KIF24: variants seen among roughly 807,000 people sequenced by gnomAD.
KIF24 encodes kinesin-like protein KIF24.
A neutral mutation model predicts 118.9 loss-of-function variants in KIF24; 81 were observed. The ratio of observed to expected loss-of-function variants is 0.68; its 90% CI spans 0.57 to 0.82. The LOEUF (loss-of-function observed/expected upper bound fraction) is 0.82, where lower values mean the gene tolerates loss of function less well. Among genes scored for constraint, KIF24 ranks in the 40% least tolerant of loss-of-function variants. The pLI is 0.00. For synonymous variants in KIF24, 599 were observed against 610.0 expected (o/e 0.98, Z 0.27); for missense variants, 1,560 against 1,661.6 (o/e 0.94, Z 1.06).
Position 34,297,109 on chromosome 9 carries a change from A to G in KIF24, c.819T>C (p.Val273=). 6.5e-7 allele frequency: 1 copy of G among 1,546,972 alleles called. No homozygotes were observed. The highest frequency in any genetic ancestry group is 8.8e-7 in the Non-Finnish European group (1 of 1,134,740). The change falls in exon 4 of 13, where the codon GTT becomes GTC. Residue 273 remains valine (V), a synonymous_variant. Transcript: ENST00000402558. The part of the protein sequence containing the change: ...VDLTQYILQH[V]FYFDEVFGEA... ...CACCAAAGACTTCATCAAAATAAAA[A>G]ACATGCTGAAAAATAAATTTGATTT...
chr9:34,330,530 C>T (rs976039170), upstream of KIF24, among the ~76,000 whole-genome samples: 10 of 151,764 alleles, frequency 6.6e-5, no homozygotes, highest in African/African-American at 2.4e-4. Context: ...AGTCACTTAC[C>T]CAGACATCTC....
chr9:34,310,730 C>A lies in KIF24; in HGVS notation c.617G>T (p.Cys206Phe). The A allele has an allele frequency of 3.2e-6, 5 of 1,580,998 alleles. No individual in the cohort carries two copies. Among genetic ancestry groups the A allele is most frequent in the Non-Finnish European group, 4.3e-6 (5 of 1,165,740 alleles). Reference protein sequence around the residue: ...SGYNYGIPHSCIRQNTSEKQN... With the variant: ...SGYNYGIPHSFIRQNTSEKQN... ...GAAAGATAAAATTTATTACCTGATA[C>A]AAGAATGAGGGATTCCATAGTTATA... is the stretch of plus-strand genomic sequence containing the variant. Residue 206 changes from cysteine to phenylalanine, a missense_variant, in exon 2 of 13, where the codon TGT becomes TTT. Around this residue, in one of 3 missense-constraint regions of KIF24, gnomAD observed 964 missense variants for 988.0 expected, o/e 0.98. Coordinates refer to ENST00000402558, the MANE Select transcript of KIF24 (RefSeq NM_194313.4).
At chr9:34,333,182 A>G (rs998290588), upstream of KIF24, among the ~76,000 whole-genome samples, 2 of 152,192 alleles carry the variant, frequency 1.3e-5, no homozygotes, top group African/African-American at 4.8e-5. Context: ...GGGTGCTATT[A>G]GGAGCCTGAG....
chr9:34,289,834 A>G (rs950502634), intron 5 of KIF24, among the ~76,000 whole-genome samples: 1 of 152,204 alleles, frequency 6.6e-6, no homozygotes, highest in Admixed American at 6.5e-5. Context: ...TTTTTCCAGT[A>G]TAATAATAGG....
intron 6 of KIF24, among the ~76,000 whole-genome samples, chr9:34,273,074 C>A (rs1465066610): frequency 2.0e-5 from 3 of 151,818 alleles, no homozygotes; most frequent in African/African-American, 4.8e-5. Context: ...CAGAGCAAGA[C>A]CCTGTCTCAA....
intron 6 of KIF24, among the ~76,000 whole-genome samples, chr9:34,280,597 T>G (rs965298468): frequency 1.3e-5 from 2 of 152,122 alleles, no homozygotes; most frequent in African/African-American, 2.4e-5. Flanking sequence ...CTGGGGAGAA[T>G]GGTCACAGCC....
At chr9:34,309,211 T>C (rs903844277) in intron 2 of KIF24, among the ~76,000 whole-genome samples, 3 of 152,182 alleles carry the variant, frequency 2.0e-5, no homozygotes, top group African/African-American at 7.2e-5. Context: ...GTAATTCCAA[T>C]TTAGATTTTT....
intron 3 of KIF24, among the ~76,000 whole-genome samples, chr9:34,298,858 A>G (rs1206257656): frequency 6.6e-6 from 1 of 152,158 alleles, no homozygotes; most frequent in Non-Finnish European, 1.5e-5. Context: ...ATAACTGACT[A>G]GAGGTGGGGA....
At chr9:34,268,755 GCC>G (rs1262162842) in intron 8 of KIF24, among the ~76,000 whole-genome samples, 2 of 152,016 alleles carry the variant, frequency 1.3e-5, no homozygotes, top group Non-Finnish European at 2.9e-5. Context: ...TTATCCACCT[GCC>G]CTGGCCTCCC....
intron 7 of KIF24, among the ~76,000 whole-genome samples, chr9:34,269,662 G>A (rs912532764): frequency 4.0e-5 from 6 of 151,828 alleles, no homozygotes; most frequent in Non-Finnish European, 7.4e-5. Context: ...CTCGTGATCC[G>A]CCCGCCTTGG....
At chr9:34,327,180 A>G (rs1837696245) in intron 1 of KIF24, among the ~76,000 whole-genome samples, 1 of 152,152 alleles carries the variant, frequency 6.6e-6, no homozygotes, top group African/African-American at 2.4e-5. Context: ...AGGTTTAAGA[A>G]GTAGAACTCT....
intron 1 of KIF24, among the ~76,000 whole-genome samples, chr9:34,320,487 A>G (rs544733990): frequency 1.3e-5 from 2 of 151,514 alleles, no homozygotes; most frequent in African/African-American, 2.4e-5. Flanking sequence ...GCGAAACCCC[A>G]TCTCTACTAA....
intron 8 of KIF24, among the ~76,000 whole-genome samples, chr9:34,266,555 G>A (rs1044692956): frequency 1.3e-5 from 2 of 152,118 alleles, no homozygotes; most frequent in Admixed American, 1.3e-4. Flanking sequence ...GCAGGTGCCT[G>A]TAATCCCAGC....
intron 1 of KIF24, among the ~76,000 whole-genome samples, chr9:34,317,002 G>A (rs769470927): frequency 1.2e-4 from 19 of 152,024 alleles, no homozygotes; most frequent in Non-Finnish European, 2.1e-4. Flanking sequence ...ATCATCTGAG[G>A]TCAGGAGTTC....
intron 4 of KIF24, among the ~76,000 whole-genome samples, chr9:34,293,816 GA>G (rs1196350983): frequency 6.6e-6 from 1 of 152,156 alleles, no homozygotes; most frequent in African/African-American, 2.4e-5. Flanking sequence ...AGGCATTGGA[GA>G]AACTCAAATT....
Position 34,318,089 on chromosome 9 carries a change from C to A in KIF24, c.-25-6718G>T, listed in dbSNP as rs1472254870. 6.6e-6 allele frequency among the ~76,000 whole-genome samples: 1 copy of A among 151,826 alleles called. No individual in the cohort carries two copies. Among genetic ancestry groups the A allele is most frequent in the Non-Finnish European group, 1.5e-5 (1 of 67,966 alleles). ...GAATCCTTTCCTCAACATGTAGAAG[C>A]CTGATTAGAAAATTAGGGAGGAGAA... On this transcript the variant is annotated intron_variant, in intron 1 of 12. Transcript: ENST00000402558. The surrounding 1 kb of genome is among the most constrained non-coding windows in gnomAD (Gnocchi z 4.9).
upstream of KIF24, among the ~76,000 whole-genome samples, chr9:34,332,275 G>T (rs561241630): frequency 6.6e-6 from 1 of 152,156 alleles, no homozygotes; most frequent in Admixed American, 6.5e-5. Context: ...CCTTGCATCC[G>T]CCTCCCTTCT....
chr9:34,270,861 C>T (rs544935528), intron 7 of KIF24, among the ~76,000 whole-genome samples: 2 of 150,810 alleles, frequency 1.3e-5, no homozygotes, highest in African/African-American at 2.4e-5. Flanking sequence ...ACAGAGAGAC[C>T]CCGTCTCAAC....
intron 6 of KIF24, among the ~76,000 whole-genome samples, chr9:34,278,050 G>A (rs192338666): frequency 1.9e-4 from 29 of 152,178 alleles, no homozygotes; most frequent in Admixed American, 1.4e-3. Flanking sequence ...TGAGAAGGGC[G>A]GTCACCTGAG....
Sources: allele counts gnomAD v4.1 joint callset (sites outside exome capture counted in the v4.1 genomes callset), GRCh38; gene constraint gnomAD v4.1.1; regional missense constraint gnomAD v4.1.1; non-coding constraint Gnocchi (gnomAD v3.1); transcripts MANE v1.5; gene names NCBI Gene and HGNC (gene_info 2026-07-23, HGNC 2026-07-21).